The following CAMK1D variants were observed in gnomAD, a reference collection of about 807,000 sequenced individuals.
CAMK1D encodes calcium/calmodulin dependent protein kinase ID.
A neutral mutation model predicts 47.7 loss-of-function variants in CAMK1D; 9 were observed. The observed-to-expected ratio is 0.19, with a 90% CI of 0.11 to 0.33. CAMK1D has a LOEUF of 0.33. Ranked by LOEUF, CAMK1D falls within the 10% of genes least tolerant of loss-of-function variation. CAMK1D has a pLI of 1.00. For synonymous variants in CAMK1D, 184 were observed against 184.9 expected, an observed-to-expected ratio of 0.99 and a Z score of 0.04; for missense variants, 291 against 488.7, an observed-to-expected ratio of 0.60 and a Z score of 3.81.
chr10:12,738,859 T>C (rs1042152504), intron 3 of CAMK1D, among the ~76,000 whole-genome samples: 1 of 151,776 alleles, frequency 6.6e-6, no homozygotes, highest in African/African-American at 2.4e-5. Flanking sequence ...AAAAATAAAT[T>C]ATTCTATAAC....
chr10:12,589,168 G>A (rs577056129), intron 2 of CAMK1D, among the ~76,000 whole-genome samples: 9 of 152,046 alleles, frequency 5.9e-5, no homozygotes, highest in Non-Finnish European at 1.0e-4. Context: ...ACAGCACAAT[G>A]CCCGGATAAC....
chr10:12,541,883 C>CTTCCTTCCTTCCTTCA (rs1836201347), intron 1 of CAMK1D, among the ~76,000 whole-genome samples: 1 of 136,920 alleles, frequency 7.3e-6, no homozygotes, highest in African/African-American at 2.8e-5. Context: ...TCCTTCCTTC[C>CTTCCTTCCTTCCTTCA]TTCCTTTTTT....
At chr10:12,765,958 CTTTTTTTTT>C (rs147498267) in intron 4 of CAMK1D, among the ~76,000 whole-genome samples, 11 of 86,490 alleles carry the variant, frequency 1.3e-4, no homozygotes, top group South Asian at 8.7e-4. Flanking sequence ...CCATCCTAAT[CTTTTTTTTT>C]TTTTTTTTTT....
At chr10:12,736,988 C>G (rs1242086454) in intron 3 of CAMK1D, among the ~76,000 whole-genome samples, 3 of 152,204 alleles carry the variant, frequency 2.0e-5, no homozygotes, top group Non-Finnish European at 4.4e-5. Context: ...TTCATTCTAG[C>G]TTAGGGACCC....
At chr10:12,373,746 G>A (rs1020114557) in intron 1 of CAMK1D, among the ~76,000 whole-genome samples, 3 of 151,638 alleles carry the variant, frequency 2.0e-5, no homozygotes, top group African/African-American at 4.8e-5. Context: ...TGCATGGTGG[G>A]GACATGGGTT....
At chr10:12,404,928 G>A (rs971597988) in intron 1 of CAMK1D, among the ~76,000 whole-genome samples, 2 of 151,896 alleles carry the variant, frequency 1.3e-5, no homozygotes, top group South Asian at 2.1e-4. Context: ...ACCTCCATCC[G>A]CCTGCCTCAG....
chr10:12,408,696 C>T (rs997191873), intron 1 of CAMK1D, among the ~76,000 whole-genome samples: 3 of 152,098 alleles, frequency 2.0e-5, no homozygotes, highest in South Asian at 2.1e-4. Flanking sequence ...GGATTAGCAA[C>T]GTGCAAGGCC....
chr10:12,501,036 G>A (rs1330398163), intron 1 of CAMK1D, among the ~76,000 whole-genome samples: 1 of 152,080 alleles, frequency 6.6e-6, no homozygotes, highest in Non-Finnish European at 1.5e-5. Context: ...GGGTATATCT[G>A]GCACCCAGAT....
chr10:12,686,252 G>A (rs370881284), intron 3 of CAMK1D, among the ~76,000 whole-genome samples: 5 of 152,270 alleles, frequency 3.3e-5, no homozygotes, highest in East Asian at 3.9e-4. Context: ...GATATGGAAC[G>A]ATTGCGAAGA....
chr10:12,759,199 A>G (rs569467739), intron 3 of CAMK1D, among the ~76,000 whole-genome samples: 1 of 152,134 alleles, frequency 6.6e-6, no homozygotes, highest in African/African-American at 2.4e-5. Context: ...AAATACAAAA[A>G]TTAGCCGGGT....
rs202042191 is a variant in CAMK1D, at chr10:12,684,562, C to G, written c.299+17752C>G. Among the ~76,000 whole-genome samples the G allele has an allele frequency of 5.9e-5, 9 of 152,248 alleles. No homozygotes were observed. The East Asian group carries it at 1.5e-3, about 26-fold the overall frequency. Reference sequence around the variant, plus strand: ...TCATGATCTAAATACTAAAAGGCATCCAAATCGTGGGACTGTTTTAACATA... The same window carrying G: ...TCATGATCTAAATACTAAAAGGCATGCAAATCGTGGGACTGTTTTAACATA... On this transcript the variant is annotated intron_variant, in intron 3 of 10. Transcript: ENST00000619168.
At chr10:12,552,076 G>A (rs1836601892) in intron 1 of CAMK1D, among the ~76,000 whole-genome samples, 1 of 152,196 alleles carries the variant, frequency 6.6e-6, no homozygotes. Context: ...GGAGGAGGCT[G>A]TTCCATGCCA....
At chr10:12,653,787 G>T (rs1840045424) in intron 2 of CAMK1D, among the ~76,000 whole-genome samples, 1 of 152,060 alleles carries the variant, frequency 6.6e-6, no homozygotes, top group African/African-American at 2.4e-5. Flanking sequence ...CTAAATAAAT[G>T]TTGCCATACC....
At chr10:12,555,321 C>T (rs921470099) in intron 2 of CAMK1D, among the ~76,000 whole-genome samples, 5 of 152,226 alleles carry the variant, frequency 3.3e-5, no homozygotes, top group Non-Finnish European at 5.9e-5. Flanking sequence ...CTCTTCTGAC[C>T]TTTGTGTAAC....
At position 12,679,433 on chromosome 10, in the gene CAMK1D, A is replaced by G. The variant is rs142835486; in HGVS notation, c.299+12623A>G. ...AATATATTAAAAAAATACGGATAGT[A>G]TCACCATGGACTTCATTGCTTCTGA... On this transcript the variant is annotated intron_variant, in intron 3 of 10. Transcript: ENST00000619168. 5.3e-5 allele frequency among the ~76,000 whole-genome samples: 8 copies of G among 152,360 alleles called. No homozygotes were observed. In the East Asian group the frequency reaches 1.5e-3, roughly 29 times the overall value.
chr10:12,613,245 CT>C (rs35972219), intron 2 of CAMK1D, among the ~76,000 whole-genome samples: 1,593 of 152,332 alleles, frequency 0.01, 29 homozygotes, highest in African/African-American at 0.036. Flanking sequence ...GAATTTCCAC[CT>C]TCTAAATTGG....
At chr10:12,653,861 G>T (rs1186378769) in intron 2 of CAMK1D, among the ~76,000 whole-genome samples, 1 of 152,076 alleles carries the variant, frequency 6.6e-6, no homozygotes, top group South Asian at 2.1e-4. Flanking sequence ...TCATTATCTC[G>T]TTTGAATGAA....
intron 3 of CAMK1D, among the ~76,000 whole-genome samples, chr10:12,703,648 C>T (rs1222736004): frequency 6.6e-6 from 1 of 152,168 alleles, no homozygotes; most frequent in Non-Finnish European, 1.5e-5. Context: ...GCAGGTGGGT[C>T]ACCTGAGGTC....
At chr10:12,395,802 C>A (rs929685183) in intron 1 of CAMK1D, among the ~76,000 whole-genome samples, 2 of 151,722 alleles carry the variant, frequency 1.3e-5, no homozygotes, top group Non-Finnish European at 2.9e-5. Flanking sequence ...TGGTGCGTGC[C>A]GGTAGTTCCA....
Sources: allele counts gnomAD v4.1 joint callset (sites outside exome capture counted in the v4.1 genomes callset), GRCh38; gene constraint gnomAD v4.1.1; transcripts MANE v1.5; gene names NCBI Gene and HGNC (gene_info 2026-07-23, HGNC 2026-07-21).